Variants in KLHL29 observed in about 807,000 individuals in gnomAD.
KLHL29 encodes the protein kelch-like protein 29.
In KLHL29, 21 loss-of-function variants were observed where a neutral mutation model predicts 80.4. The observed-to-expected ratio is 0.26, with a 90% CI of 0.19 to 0.38. The LOEUF (loss-of-function observed/expected upper bound fraction) is 0.38. Among genes scored for constraint, KLHL29 ranks in the 10% least tolerant of loss-of-function variants. The pLI, the probability that KLHL29 is intolerant of heterozygous loss-of-function variation, is 1.00. For missense variants in KLHL29, 867 were observed against 1,223.9 expected, an observed-to-expected ratio of 0.71 and a Z score of 4.35; for synonymous variants, 511 against 526.8, an observed-to-expected ratio of 0.97 and a Z score of 0.41.
At chr2:23,650,461 G>T (rs1224824883) in intron 5 of KLHL29, among the ~76,000 whole-genome samples, 1 of 152,198 alleles carries the variant, frequency 6.6e-6, no homozygotes, top group Non-Finnish European at 1.5e-5. Context: ...CTCTCTCAAT[G>T]CTTGGCACGC....
intron 2 of KLHL29, among the ~76,000 whole-genome samples, chr2:23,523,255 G>A (rs564533113): frequency 6.6e-6 from 1 of 152,372 alleles, no homozygotes; most frequent in East Asian, 1.9e-4. Context: ...GCATGCCACA[G>A]CGAGAGCAGA....
intron 6 of KLHL29, 65 bp from the exon 7 acceptor site, chr2:23,691,609 C>G: frequency 7.2e-7 from 1 of 1,386,050 alleles, no homozygotes; most frequent in Non-Finnish European, 1.0e-6. Context: ...GAGATCTAGC[C>G]CTGTGAGGAA....
chr2:23,495,532 T>C (rs776723643), intron 2 of KLHL29, among the ~76,000 whole-genome samples: 5 of 152,172 alleles, frequency 3.3e-5, no homozygotes, highest in Non-Finnish European at 7.3e-5. Context: ...TGGCAGTGGG[T>C]ATAACAGTCA....
At chr2:23,484,510 C>A (rs1054075178) in intron 2 of KLHL29, among the ~76,000 whole-genome samples, 1 of 152,248 alleles carries the variant, frequency 6.6e-6, no homozygotes, top group Admixed American at 6.5e-5. Flanking sequence ...GGTACACAGG[C>A]AGGTGCTGAA....
At chr2:23,559,027 G>GTC (rs1189578994) in intron 2 of KLHL29, among the ~76,000 whole-genome samples, 1 of 151,938 alleles carries the variant, frequency 6.6e-6, no homozygotes, top group Non-Finnish European at 1.5e-5. Flanking sequence ...CTGGATGAGA[G>GTC]TCTCTCACCT....
At chr2:23,515,360 C>G (rs1454510160) in intron 2 of KLHL29, among the ~76,000 whole-genome samples, 1 of 152,240 alleles carries the variant, frequency 6.6e-6, no homozygotes, top group African/African-American at 2.4e-5. Context: ...CTGAGCACAA[C>G]ATACATGCTA....
intron 1 of KLHL29, among the ~76,000 whole-genome samples, chr2:23,444,960 T>G (rs758418318): frequency 6.6e-6 from 1 of 152,234 alleles, no homozygotes; most frequent in Non-Finnish European, 1.5e-5. Context: ...TATAAAACAT[T>G]ATATAGCAGG....
At chr2:23,430,394 A>G (rs1037777805) in intron 1 of KLHL29, among the ~76,000 whole-genome samples, 9 of 152,248 alleles carry the variant, frequency 5.9e-5, no homozygotes, top group Non-Finnish European at 1.0e-4. Context: ...ATTTGGCTTC[A>G]CACAGATCAC....
intron 2 of KLHL29, among the ~76,000 whole-genome samples, chr2:23,515,706 A>G (rs559209369): frequency 6.6e-6 from 1 of 152,360 alleles, no homozygotes; most frequent in African/African-American, 2.4e-5. Flanking sequence ...CGAATGCTCA[A>G]ATGGCACATG....
intron 2 of KLHL29, among the ~76,000 whole-genome samples, chr2:23,556,000 C>T (rs1416416421): frequency 6.6e-6 from 1 of 152,210 alleles, no homozygotes; most frequent in Admixed American, 6.5e-5. Context: ...GACTGGATTG[C>T]AGCAGGATCA....
intron 1 of KLHL29, among the ~76,000 whole-genome samples, chr2:23,397,204 A>G (rs1187948288): frequency 6.6e-6 from 1 of 152,148 alleles, no homozygotes; most frequent in African/African-American, 2.4e-5. Flanking sequence ...AAGGCACACA[A>G]ACGGCCCTCC....
At chr2:23,535,622 G>A (rs4665603) in intron 2 of KLHL29, among the ~76,000 whole-genome samples, 65,133 of 152,074 alleles carry the variant, frequency 0.43, 16,728 homozygotes, top group East Asian at 0.87. Flanking sequence ...GATGAACCTT[G>A]AAGACATTAT....
Position 23,412,124 on chromosome 2 carries a change from G to GT in KLHL29, c.-154+26344_-154+26345insT, listed in dbSNP as rs753232455. Among the ~76,000 whole-genome samples, 50 of 14,558 alleles carry GT rather than the reference G, an allele frequency of 3.4e-3. 1 individual carries two copies. The highest frequency in any genetic ancestry group is 0.01 in the African/African-American group (43 of 4,112). The allele number at this position is 14,558 out of a possible 152,430, so 9.6% of individuals were successfully genotyped here. Reference sequence around the variant, plus strand: ...GTTGCAAAAATGTGTGTGCGTGAAGGGGGGGGGGGGGCGGTGCGGTAGAGG... The same window carrying GT: ...GTTGCAAAAATGTGTGTGCGTGAAGGTGGGGGGGGGGGCGGTGCGGTAGAGG... On this transcript the variant is annotated intron_variant, in intron 1 of 13. Coordinates refer to ENST00000486442, the MANE Select transcript of KLHL29 (RefSeq NM_052920.2).
chr2:23,625,714 T>C (rs1017145004), intron 3 of KLHL29, among the ~76,000 whole-genome samples: 3 of 152,244 alleles, frequency 2.0e-5, no homozygotes, highest in African/African-American at 4.8e-5. Context: ...TCTTATGGAC[T>C]GAATTGTGCC....
At chr2:23,387,163 C>G (rs1666206017) in intron 1 of KLHL29, among the ~76,000 whole-genome samples, 1 of 152,320 alleles carries the variant, frequency 6.6e-6, no homozygotes, top group Admixed American at 6.5e-5. Flanking sequence ...TAGGCGAGAC[C>G]TCGGCGCTGG....
At position 23,474,628 on chromosome 2, in the gene KLHL29, C is replaced by T. The variant is rs532017510; in HGVS notation, c.-153-932C>T. ...TATGGATCACGTGCATCTCTATCAG[C>T]GGCCGCTGGAAAAGCTTAGGTTGAG... On this transcript the variant is annotated intron_variant, in intron 1 of 13. Transcript: ENST00000486442. 1.0e-3 allele frequency among the ~76,000 whole-genome samples: 154 copies of T among 152,154 alleles called. 1 individual carries two copies. Among genetic ancestry groups the T allele is most frequent in the African/African-American group, 3.3e-3 (136 of 41,504 alleles).
chr2:23,441,342 G>C (rs1401398584), intron 1 of KLHL29, among the ~76,000 whole-genome samples: 6 of 98,776 alleles, frequency 6.1e-5, no homozygotes, highest in African/African-American at 1.6e-4. Flanking sequence ...GGTGGGGGGA[G>C]GGGGGAGGGA....
At position 23,682,121 on chromosome 2, in the gene KLHL29, C is replaced by T. The variant is rs1671101668; in HGVS notation, c.941-2278C>T. On this transcript the variant is annotated intron_variant, in intron 5 of 13. Transcript: ENST00000486442. This position sits in a 1 kb window ranked among gnomAD's most constrained non-coding sequence, Gnocchi z 4.1. ...AGTGGTCTCCATGCCTCCCCCTCCC[C>T]ACTTCCTTCCTGCACTGAGCCCCAC... Among the ~76,000 whole-genome samples, 1 of 152,206 alleles carries T rather than the reference C, an allele frequency of 6.6e-6. No individual in the cohort carries two copies. Among genetic ancestry groups the T allele is most frequent in the Non-Finnish European group, 1.5e-5 (1 of 68,042 alleles).
intron 1 of KLHL29, among the ~76,000 whole-genome samples, chr2:23,426,573 T>G (rs544039643): frequency 6.6e-6 from 1 of 152,266 alleles, no homozygotes; most frequent in African/African-American, 2.4e-5. Flanking sequence ...TCCCCGCTGC[T>G]GCAAATAAAC....
Sources: gnomAD v4.1 joint callset for allele counts (sites outside exome capture counted in the v4.1 genomes callset) on GRCh38, gnomAD v4.1.1 for gene constraint, Gnocchi (gnomAD v3.1) non-coding constraint, MANE v1.5 for transcripts, NCBI Gene and HGNC (gene_info 2026-07-23, HGNC 2026-07-21) for gene names.